DOCK2: variants seen among roughly 807,000 people sequenced by gnomAD.
DOCK2 encodes dedicator of cytokinesis 2, also known as dedicator of cytokinesis protein 2.
DOCK2 carries 87 observed loss-of-function variants against 248.9 expected under a neutral mutation model. That is an observed-to-expected ratio of 0.35 (90% CI 0.29 to 0.42). The LOEUF is 0.42. DOCK2 is among the 10% of genes least tolerant of loss of function. DOCK2 has a pLI of 1.00. For synonymous variants in DOCK2, 805 were observed against 821.6 expected (o/e 0.98, Z 0.35); for missense variants, 1,747 against 2,300.2 (o/e 0.76, Z 4.92).
At position 169,820,961 on chromosome 5, in the gene DOCK2, A is replaced by G. The variant is rs184467011; in HGVS notation, c.2703+17755A>G. On this transcript the variant is annotated intron_variant, in intron 26 of 51. Coordinates refer to ENST00000520908, the MANE Select transcript of DOCK2 (RefSeq NM_004946.3). ...AGCTGAAAACCACGGCACGAGAACT[A>G]CGTGACGAATGCACAAGCTTCAGTA... 3.6e-3 allele frequency among the ~76,000 whole-genome samples: 545 copies of G among 152,378 alleles called. 2 individuals carry two copies. The highest frequency in any genetic ancestry group is 0.013 in the African/African-American group (523 of 41,592).
At chr5:169,727,790 A>C (rs1258863533) in intron 22 of DOCK2, among the ~76,000 whole-genome samples, 1 of 152,218 alleles carries the variant, frequency 6.6e-6, no homozygotes, top group Non-Finnish European at 1.5e-5. Flanking sequence ...TGAAAAAAAA[A>C]ATTTTTTTCT....
intron 14 of DOCK2, among the ~76,000 whole-genome samples, chr5:169,704,788 T>A (rs908162696): frequency 6.8e-6 from 1 of 147,382 alleles, no homozygotes; most frequent in Non-Finnish European, 1.5e-5. Flanking sequence ...TGTGTGTGTG[T>A]GTGTGTGTGT....
chr5:169,849,920 A>G (rs899709307), intron 27 of DOCK2, among the ~76,000 whole-genome samples: 2 of 152,254 alleles, frequency 1.3e-5, no homozygotes, highest in Admixed American at 6.5e-5. Context: ...GACAGTGTCA[A>G]TGAACACCTG....
intron 27 of DOCK2, among the ~76,000 whole-genome samples, chr5:169,872,437 C>A (rs935607006): frequency 6.6e-6 from 1 of 152,174 alleles, no homozygotes; most frequent in Non-Finnish European, 1.5e-5. Flanking sequence ...CAAGTTTGCT[C>A]ATTTTTTATA....
At chr5:169,819,889 GA>G (rs1254520160) in intron 26 of DOCK2, among the ~76,000 whole-genome samples, 3 of 152,224 alleles carry the variant, frequency 2.0e-5, no homozygotes, top group African/African-American at 7.2e-5. Flanking sequence ...AGCTGTGACA[GA>G]AGGCACCTGG....
chr5:169,680,723 T>TA (rs547328598), intron 6 of DOCK2, among the ~76,000 whole-genome samples: 2,470 of 148,652 alleles, frequency 0.017, 37 homozygotes, highest in East Asian at 0.03. Flanking sequence ...CCTGACTCAT[T>TA]AAAAAAAAAA....
chr5:169,888,257 C>G (rs1773089687), intron 27 of DOCK2, among the ~76,000 whole-genome samples: 1 of 152,160 alleles, frequency 6.6e-6, no homozygotes, highest in Admixed American at 6.5e-5. Context: ...GCCCTTAAGT[C>G]TTATGGGCTC....
Position 169,985,819 on chromosome 5 carries a change from T to C in DOCK2, c.2899-9T>C, listed in dbSNP as rs756335542. ...AGGATGACATGTGTGCTGTGCTTCA[T>C]TGTTTCAGGACTTCTTGATGGAGAC... On this transcript the variant is annotated splice_polypyrimidine_tract_variant and intron_variant, in intron 28 of 51. Transcript: ENST00000520908. 1.9e-6 allele frequency: 3 copies of C among 1,603,806 alleles called. No individual in the cohort carries two copies. Among genetic ancestry groups the C allele is most frequent in the East Asian group, 4.5e-5 (2 of 44,628 alleles).
At chr5:169,963,289 A>G (rs1777165879) in intron 27 of DOCK2, among the ~76,000 whole-genome samples, 1 of 152,098 alleles carries the variant, frequency 6.6e-6, no homozygotes, top group Non-Finnish European at 1.5e-5. Context: ...TTTTCTCTAA[A>G]TCAAATTAAA....
chr5:170,062,676 T>TGC (rs1454625343), intron 44 of DOCK2, among the ~76,000 whole-genome samples: 1 of 152,294 alleles, frequency 6.6e-6, no homozygotes, highest in Non-Finnish European at 1.5e-5. Flanking sequence ...ACTCTGAGAC[T>TGC]GCGCAGAGTT....
chr5:170,047,512 C>A lies in DOCK2; in HGVS notation c.3969C>A (p.Ile1323=), dbSNP rs1158938795. 6.2e-7 allele frequency: 1 copy of A among 1,613,308 alleles called. No individual in the cohort carries two copies. The highest frequency in any genetic ancestry group is 2.2e-5 in the East Asian group (1 of 44,850). The change falls in exon 40 of 52, where the codon ATC becomes ATA. Residue 1323 remains isoleucine (I), a splice_region_variant and synonymous_variant. Coordinates refer to ENST00000520908, the MANE Select transcript of DOCK2 (RefSeq NM_004946.3). ...CAAACCTTGTTTTCTTCCTTTAGAT[C>A]CAGCAGGCAAAATTCTATGAAAGCA... The part of the protein sequence containing the change: ...FDYELLSQNL[I]QQAKFYESIM...
In DOCK2 at chr5:169,856,028, G is replaced by A. The variant is rs141628065; in HGVS notation, c.2799+15176G>A. On this transcript the variant is annotated intron_variant, in intron 27 of 51. Transcript: ENST00000520908. ...AGCAGTGAGGAGCGAAGGGGGAAGA[G>A]CCTCTTATAAAACCATCAGATCTCA... 5.0e-3 allele frequency among the ~76,000 whole-genome samples: 759 copies of A among 152,206 alleles called. 5 individuals are homozygous for A. The highest frequency in any genetic ancestry group is 0.016 in the African/African-American group (679 of 41,522).
intron 47 of DOCK2, among the ~76,000 whole-genome samples, chr5:170,076,651 T>A (rs982530982): frequency 1.3e-5 from 2 of 152,232 alleles, no homozygotes; most frequent in South Asian, 2.1e-4. Context: ...TTAACTGGTG[T>A]TATAAAATGT....
chr5:169,851,786 G>A (rs757467298), intron 27 of DOCK2, among the ~76,000 whole-genome samples: 38 of 152,076 alleles, frequency 2.5e-4, no homozygotes, highest in Non-Finnish European at 4.9e-4. Context: ...AGAGAGAAGG[G>A]GGAAGAGCCC....
At chr5:169,702,524 T>A (rs749859732) in intron 14 of DOCK2, 97 bp downstream of exon 14, 2 of 1,553,362 alleles carry the variant, frequency 1.3e-6, no homozygotes, top group Non-Finnish European at 1.7e-6. Flanking sequence ...GTTGTCTAAA[T>A]GCCAGGTGCC....
At chr5:169,678,149 T>C (rs1759440084) in intron 6 of DOCK2, among the ~76,000 whole-genome samples, 1 of 152,106 alleles carries the variant, frequency 6.6e-6, no homozygotes, top group East Asian at 1.9e-4. Context: ...TAAGAGAGTA[T>C]ATGTTAGAAG....
chr5:169,885,993 TG>T (rs1772948819), intron 27 of DOCK2, among the ~76,000 whole-genome samples: 1 of 152,140 alleles, frequency 6.6e-6, no homozygotes, highest in Non-Finnish European at 1.5e-5. Flanking sequence ...TTCCAAAGTC[TG>T]CATTCTTAAC....
intron 27 of DOCK2, among the ~76,000 whole-genome samples, chr5:169,897,189 G>A (rs942048445): frequency 2.0e-5 from 3 of 152,054 alleles, no homozygotes; most frequent in Non-Finnish European, 4.4e-5. Context: ...GAAGAAATGT[G>A]AGCTCTTTTT....
intron 32 of DOCK2, among the ~76,000 whole-genome samples, chr5:170,013,438 T>C (rs116557896): frequency 0.027 from 4,098 of 152,068 alleles, 227 homozygotes; most frequent in African/African-American, 0.094. Context: ...GCTATCCAAG[T>C]GGGCTCAGTA....
Sources: gnomAD v4.1 joint callset for allele counts (sites outside exome capture counted in the v4.1 genomes callset) on GRCh38, gnomAD v4.1.1 for gene constraint, MANE v1.5 for transcripts, NCBI Gene and HGNC (gene_info 2026-07-23, HGNC 2026-07-21) for gene names.